ARL15: variants seen among roughly 807,000 people sequenced by gnomAD.
The protein encoded by ARL15 is ADP-ribosylation factor-like protein 15.
ARL15 carries 19 observed loss-of-function variants against 25.2 expected under a neutral mutation model. The observed-to-expected ratio is 0.75, with a 90% CI of 0.53 to 1.10. The LOEUF (loss-of-function observed/expected upper bound fraction) is 1.10. Ranked by LOEUF, ARL15 falls within the 50% of genes least tolerant of loss-of-function variation. ARL15 has a pLI of 0.00. For synonymous variants in ARL15, 94 were observed against 86.8 expected, an observed-to-expected ratio of 1.08 and a Z score of -0.46; for missense variants, 220 against 246.0, an observed-to-expected ratio of 0.89 and a Z score of 0.71.
chr5:54,087,302 T>C (rs1246907631), intron 4 of ARL15, among the ~76,000 whole-genome samples: 1 of 151,896 alleles, frequency 6.6e-6, no homozygotes, highest in Non-Finnish European at 1.5e-5. Context: ...CACTCCAGCC[T>C]GGGCGACAGA....
intron 4 of ARL15, among the ~76,000 whole-genome samples, chr5:54,094,867 A>T (rs1177291025): frequency 6.6e-6 from 1 of 152,208 alleles, no homozygotes; most frequent in Non-Finnish European, 1.5e-5. Flanking sequence ...TATATACATC[A>T]ATAATCAAAA....
At chr5:54,241,450 A>C (rs1756954854) in intron 1 of ARL15, among the ~76,000 whole-genome samples, 1 of 152,046 alleles carries the variant, frequency 6.6e-6, no homozygotes, top group Admixed American at 6.6e-5. Flanking sequence ...TTTGTCTTTT[A>C]TTTCTTTACC....
chr5:53,956,919 A>T (rs555235558), intron 4 of ARL15, among the ~76,000 whole-genome samples: 61 of 152,228 alleles, frequency 4.0e-4, no homozygotes, highest in African/African-American at 1.4e-3. Flanking sequence ...AGCAGAAAGA[A>T]AAAAGGATGA....
At chr5:54,169,406 A>G (rs1754660095) in intron 2 of ARL15, among the ~76,000 whole-genome samples, 1 of 152,148 alleles carries the variant, frequency 6.6e-6, no homozygotes, top group African/African-American at 2.4e-5. Context: ...AGAAATCCTA[A>G]ACCTTGGATA....
At chr5:54,234,783 A>C (rs1282520831) in intron 1 of ARL15, among the ~76,000 whole-genome samples, 4 of 152,186 alleles carry the variant, frequency 2.6e-5, no homozygotes, top group African/African-American at 9.7e-5. Flanking sequence ...ACACAAAATA[A>C]ATTTATTGGA....
intron 4 of ARL15, among the ~76,000 whole-genome samples, chr5:54,006,725 C>A (rs1284145185): frequency 1.3e-5 from 2 of 152,064 alleles, no homozygotes; most frequent in African/African-American, 4.8e-5. Flanking sequence ...GGATAGGTTC[C>A]CTTTTCACTA....
intron 4 of ARL15, among the ~76,000 whole-genome samples, chr5:54,025,705 C>T (rs574459968): frequency 6.6e-6 from 1 of 152,158 alleles, no homozygotes; most frequent in East Asian, 1.9e-4. Context: ...AATCCGATCA[C>T]ATTAGTGAGA....
rs373071857 is a variant in ARL15 at position 54,188,654 on chromosome 5, C to A, written c.49-16726G>T. 1.5e-4 allele frequency among the ~76,000 whole-genome samples: 23 copies of A among 152,166 alleles called. No homozygotes were observed. The East Asian group carries it at 3.9e-3, about 26-fold the overall frequency. ...CCCACACAAGAGGAATAAGACATCA[C>A]CAGAAAAATGCAAGAATTCTCTGAT... On this transcript the variant is annotated intron_variant, in intron 1 of 4. Coordinates refer to ENST00000504924, the MANE Select transcript of ARL15 (RefSeq NM_019087.3).
chr5:54,155,557 TTTATA>T (rs1207473958), intron 2 of ARL15, among the ~76,000 whole-genome samples: 32 of 152,288 alleles, frequency 2.1e-4, no homozygotes, highest in Middle Eastern at 3.4e-3. Flanking sequence ...TAATACAAGT[TTTATA>T]TTATAAGAAA....
rs1748737908 is a variant in ARL15, at chr5:53,998,041, A to G, written c.463-111328T>C. On this transcript the variant is annotated intron_variant, in intron 4 of 4. Coordinates refer to ENST00000504924, the MANE Select transcript of ARL15 (RefSeq NM_019087.3). ...GATGTGCTGGGAGAGGAAGAAAGAG[A>G]CTCATGTTTGACTGCTGATTTTCCC... is the stretch of plus-strand genomic sequence containing the variant. 3.3e-5 allele frequency among the ~76,000 whole-genome samples: 5 copies of G among 151,710 alleles called. No individual in the cohort carries two copies. In the South Asian group the frequency reaches 1.0e-3, roughly 32 times the overall value.
rs1744929218 is a variant in ARL15, at chr5:53,898,020, GATA to G, written c.463-11310_463-11308del. Among the ~76,000 whole-genome samples, 4 of 152,186 alleles carry G rather than the reference GATA, an allele frequency of 2.6e-5. No individual in the cohort carries two copies. In the East Asian group the frequency reaches 7.7e-4, roughly 29 times the overall value. On this transcript the variant is annotated intron_variant, in intron 4 of 4. Coordinates refer to ENST00000504924, the MANE Select transcript of ARL15 (RefSeq NM_019087.3). ...AGAGAAAATAAAATGTCATTAATAA[GATA>G]ATAAGGAAGATAAAATATATTTACT...
chr5:54,089,503 T>C (rs1001838549), intron 4 of ARL15, among the ~76,000 whole-genome samples: 1 of 152,110 alleles, frequency 6.6e-6, no homozygotes, highest in African/African-American at 2.4e-5. Flanking sequence ...CACTTCACAA[T>C]AGAAAAGGAT....
At chr5:54,283,439 T>TA (rs1758108160) in intron 1 of ARL15, among the ~76,000 whole-genome samples, 2 of 117,778 alleles carry the variant, frequency 1.7e-5, no homozygotes, top group African/African-American at 4.1e-5. Context: ...AACTTTCAAA[T>TA]ATCAACGGTG....
chr5:54,271,002 T>C (rs1757771189), intron 1 of ARL15, among the ~76,000 whole-genome samples: 1 of 152,142 alleles, frequency 6.6e-6, no homozygotes, highest in African/African-American at 2.4e-5. Context: ...TGGAATACAC[T>C]CATCCCCTGC....
At chr5:53,928,210 C>G (rs563880136) in intron 4 of ARL15, among the ~76,000 whole-genome samples, 6 of 152,174 alleles carry the variant, frequency 3.9e-5, no homozygotes, top group African/African-American at 1.4e-4. Flanking sequence ...AGAAAAGGTT[C>G]CTGGAGAAGG....
At chr5:53,961,652 G>T in intron 4 of ARL15, among the ~76,000 whole-genome samples, 1 of 152,144 alleles carries the variant, frequency 6.6e-6, no homozygotes, top group Admixed American at 6.5e-5. Context: ...ATTTTAAAAA[G>T]GGGGAGAAAT....
chr5:54,016,009 A>T (rs960679632), intron 4 of ARL15, among the ~76,000 whole-genome samples: 8 of 152,192 alleles, frequency 5.3e-5, no homozygotes, highest in African/African-American at 1.9e-4. Context: ...ACCACCACCC[A>T]GAAGGCCCAA....
At chr5:54,202,392 G>A (rs1306876326) in intron 1 of ARL15, among the ~76,000 whole-genome samples, 4 of 152,190 alleles carry the variant, frequency 2.6e-5, no homozygotes, top group African/African-American at 9.6e-5. Flanking sequence ...AAAGGAGGAA[G>A]TCAGAAGAGT....
rs145461120 is a variant in ARL15 at position 54,209,685 on chromosome 5, A to G, written c.49-37757T>C. Among the ~76,000 whole-genome samples, 5 of 145,186 alleles carry G rather than the reference A, an allele frequency of 3.4e-5. No homozygotes were observed. In the East Asian group the frequency reaches 9.9e-4, roughly 29 times the overall value. ...TGAGGTCGTCTTTAGCTTAAAGCAC[A>G]TATAATGAAAAAAAAAATCATTCAC... is the stretch of plus-strand genomic sequence containing the variant. On this transcript the variant is annotated intron_variant, in intron 1 of 4. Coordinates refer to ENST00000504924, the MANE Select transcript of ARL15 (RefSeq NM_019087.3).
Sources: gnomAD v4.1 joint callset for allele counts (sites outside exome capture counted in the v4.1 genomes callset) on GRCh38, gnomAD v4.1.1 for gene constraint, MANE v1.5 for transcripts, NCBI Gene and HGNC (gene_info 2026-07-23, HGNC 2026-07-21) for gene names.